Variants in FAT4 observed in about 807,000 individuals in gnomAD.
FAT4 encodes the protein FAT atypical cadherin 4.
Under a neutral mutation model 303.9 loss-of-function variants are expected in FAT4, and 84 were observed. The observed-to-expected ratio is 0.28, with a 90% CI of 0.23 to 0.33. FAT4 has a LOEUF of 0.33. FAT4 is among the 10% of genes least tolerant of loss of function. The pLI is 1.00. For synonymous variants in FAT4, 2,307 were observed against 2,298.8 expected (o/e 1.00, Z -0.10); for missense variants, 6,005 against 6,146.8 (o/e 0.98, Z 0.77).
At position 125,398,823 on chromosome 4, in the gene FAT4, G is replaced by A. The variant is rs1285785121; in HGVS notation, c.5215G>A (p.Val1739Ile). Residue 1739 changes from valine to isoleucine, a missense_variant, in exon 3 of 18, where the codon GTA becomes ATA. Transcript: ENST00000394329. ...TLQDINDNPP[V>I]FPTDMLDLTV... ...TCAGGATATCAATGACAATCCACCAGTATTTCCAACGGACATGCTGGATCT... is the reference window on the plus strand; with the variant it reads ...TCAGGATATCAATGACAATCCACCAATATTTCCAACGGACATGCTGGATCT... 6.2e-7 allele frequency: 1 copy of A among 1,613,268 alleles called. No individual in the cohort carries two copies. Among genetic ancestry groups the A allele is most frequent in the Non-Finnish European group, 8.5e-7 (1 of 1,179,404 alleles).
intron 2 of FAT4, among the ~76,000 whole-genome samples, chr4:125,374,228 A>G (rs1401113810): frequency 6.6e-6 from 1 of 152,140 alleles, no homozygotes; most frequent in Non-Finnish European, 1.5e-5. Context: ...TATTTCTCCT[A>G]CATCCCTCGT....
At chr4:125,385,114 C>T (rs568662644) in intron 2 of FAT4, among the ~76,000 whole-genome samples, 2 of 149,910 alleles carry the variant, frequency 1.3e-5, no homozygotes, top group Admixed American at 6.7e-5. Flanking sequence ...CTCTGCTTCC[C>T]GGGTTCAAGC....
chr4:125,457,047 A>G (rs1003023538), intron 10 of FAT4, among the ~76,000 whole-genome samples: 14 of 151,878 alleles, frequency 9.2e-5, no homozygotes, highest in Admixed American at 6.6e-5. Flanking sequence ...TGAAATTACA[A>G]ATTGGAGCTG....
At position 125,321,568 on chromosome 4, in the gene FAT4, C is replaced by G. The variant is rs200744971; in HGVS notation, c.5157C>G (p.Pro1719=). Residue 1719 remains proline, a synonymous_variant, in exon 2 of 18, where the codon CCC becomes CCG. Coordinates refer to ENST00000394329, the MANE Select transcript of FAT4 (RefSeq NM_001291303.3). ...CCATAGAAAAATCAACTGCTTTTCC[C>G]AGAACACAGAGAGCAGAGGTAATGA... ...VYAIEKSTAF[P]RTQRAEVEIT... 3 of 1,610,238 alleles carry G rather than the reference C, an allele frequency of 1.9e-6. No homozygotes were observed. The highest frequency in any genetic ancestry group is 2.5e-6 in the Non-Finnish European group (3 of 1,178,234).
intron 9 of FAT4, 54 bp downstream of exon 9, chr4:125,446,597 A>G: frequency 7.1e-7 from 1 of 1,403,616 alleles, no homozygotes; most frequent in Non-Finnish European, 9.5e-7. Flanking sequence ...TGTATCAGAC[A>G]TTTCTATAAA....
At chr4:125,399,061 A>G in intron 3 of FAT4, 146 bp downstream of exon 3, 2 of 710,680 alleles carry the variant, frequency 2.8e-6, no homozygotes, top group Non-Finnish European at 4.4e-6. Context: ...CTTGAAATGT[A>G]ACATAAAAAT....
Position 125,316,134 on chromosome 4 carries a change from G to T in FAT4, c.-13+157G>T, listed in dbSNP as rs1020172058. Among the ~76,000 whole-genome samples the T allele has an allele frequency of 2.0e-5, 3 of 152,300 alleles. No individual in the cohort carries two copies. Among genetic ancestry groups the T allele is most frequent in the Non-Finnish European group, 1.5e-5 (1 of 68,038 alleles). On this transcript the variant is annotated intron_variant, in intron 1 of 17. Transcript: ENST00000394329. The surrounding 1 kb of genome is among the most constrained non-coding windows in gnomAD (Gnocchi z 5.7). ...AAGGGGGCATATATAAGAGGCTTGA[G>T]AAACTTTTCTGGGAACTCAGCTCAC...
intron 11 of FAT4, among the ~76,000 whole-genome samples, chr4:125,468,171 A>G (rs1224384599): frequency 6.6e-6 from 1 of 152,122 alleles, no homozygotes; most frequent in Non-Finnish European, 1.5e-5. Context: ...AAAATAAAAA[A>G]AAAATCAATG....
chr4:125,439,748 C>T (rs1983118), intron 8 of FAT4, among the ~76,000 whole-genome samples: 150,473 of 152,292 alleles, frequency 0.99, 74,364 homozygotes, highest in East Asian at 1. Flanking sequence ...TCTCTCTCTT[C>T]CTTGAACCAT....
chr4:125,368,164 G>A (rs1346430942), intron 2 of FAT4, among the ~76,000 whole-genome samples: 1 of 152,074 alleles, frequency 6.6e-6, no homozygotes, highest in Non-Finnish European at 1.5e-5. Flanking sequence ...TTTCACTGTG[G>A]CAGAAGAACT....
At position 125,451,624 on chromosome 4, in the gene FAT4, T is replaced by A; in HGVS notation, c.10614T>A (p.Asp3538Glu). Residue 3538 changes from aspartate to glutamate, a missense_variant, in exon 10 of 18, where the codon GAT (aspartate) becomes GAA (glutamate). Coordinates refer to ENST00000394329, the MANE Select transcript of FAT4 (RefSeq NM_001291303.3). ...LVMTLQSTDP[D>E]LPPNQGPFTY... ...TGACCCTTCAGTCCACTGACCCTGA[T>A]CTCCCTCCAAATCAAGGTCCCTTTA... 6.2e-7 allele frequency: 1 copy of A among 1,614,082 alleles called. No homozygotes were observed. Among genetic ancestry groups the A allele is most frequent in the Non-Finnish European group, 8.5e-7 (1 of 1,179,996 alleles).
chr4:125,416,291 C>T lies in FAT4; in HGVS notation c.6844-157C>T, dbSNP rs538961607. Among the ~76,000 whole-genome samples, 7 of 152,140 alleles carry T rather than the reference C, an allele frequency of 4.6e-5. No individual in the cohort carries two copies. In the South Asian group the frequency reaches 1.4e-3, roughly 31 times the overall value. Reference sequence around the variant, plus strand: ...CACAAATAGACTCGGGTGATATATACTATAGTGTGCCATTTTTATTTTTTA... The same window carrying T: ...CACAAATAGACTCGGGTGATATATATTATAGTGTGCCATTTTTATTTTTTA... On this transcript the variant is annotated intron_variant, in intron 6 of 17. Transcript: ENST00000394329.
rs1395236 is a variant in FAT4, at chr4:125,487,833, G to C, written c.13084+227G>C. ...TCAGAAAGTTTGTAATAAACTATTA[G>C]CCACCACTTTCTCGAGAGCTTGCAT... is the stretch of plus-strand genomic sequence containing the variant. On this transcript the variant is annotated intron_variant, in intron 17 of 17. Coordinates refer to ENST00000394329, the MANE Select transcript of FAT4 (RefSeq NM_001291303.3). Among the ~76,000 whole-genome samples the C allele has an allele frequency of 0.22, 33,148 of 151,814 alleles. 4,343 individuals are homozygous for C. The highest frequency in any genetic ancestry group is 0.37 in the East Asian group (1,883 of 5,128).
chr4:125,408,193 A>G (rs941147088), intron 4 of FAT4, among the ~76,000 whole-genome samples: 7 of 152,192 alleles, frequency 4.6e-5, no homozygotes, highest in South Asian at 2.1e-4. Flanking sequence ...CATCAGATAT[A>G]TTATTAATTC....
At chr4:125,345,756 C>G (rs997723259) in intron 2 of FAT4, among the ~76,000 whole-genome samples, 1 of 151,856 alleles carries the variant, frequency 6.6e-6, no homozygotes, top group Non-Finnish European at 1.5e-5. Context: ...TACAGATTTA[C>G]CCTTAAAATG....
chr4:125,321,266 A>G lies in FAT4; in HGVS notation c.4855A>G (p.Ile1619Val). 1 of 1,614,148 alleles carries G rather than the reference A, an allele frequency of 6.2e-7. No individual in the cohort carries two copies. Among genetic ancestry groups the G allele is most frequent in the Non-Finnish European group, 8.5e-7 (1 of 1,179,986 alleles). The change falls in exon 2 of 18, where the codon ATC becomes GTC. Residue 1619 changes from isoleucine (I) to valine (V), a missense_variant. Coordinates refer to ENST00000394329, the MANE Select transcript of FAT4 (RefSeq NM_001291303.3). ...GAGGAAATCGACCACTGAATTGACC[A>G]TCATTCTTCAGGGCCTTGATGGACC... is the stretch of plus-strand genomic sequence containing the variant. ...ERRKSTTELTIILQGLDGPVF... is the reference protein window; with the variant it reads ...ERRKSTTELTVILQGLDGPVF...
rs143204873 is a variant in FAT4, at chr4:125,416,509, G to C, written c.6905G>C (p.Gly2302Ala). The change falls in exon 7 of 18, where the codon GGT becomes GCT. Residue 2302 changes from glycine to alanine, a missense_variant. Gly to Ala is a moderately conservative substitution (Grantham distance 60). Transcript: ENST00000394329. Reference sequence around the variant, plus strand: ...AAACTCTCATATGTTCTGTTTGGTGGTAATGAAGACAATGCTTTTACTCTC... The same window carrying C: ...AAACTCTCATATGTTCTGTTTGGTGCTAATGAAGACAATGCTTTTACTCTC... ...NSKLSYVLFG[G>A]NEDNAFTLSA... 2.3e-5 allele frequency: 37 copies of C among 1,613,966 alleles called. No individual in the cohort carries two copies. The highest frequency in any genetic ancestry group is 6.7e-5 in the Admixed American group (4 of 60,002).
intron 10 of FAT4, among the ~76,000 whole-genome samples, chr4:125,461,054 T>G (rs2126069244): frequency 6.6e-6 from 1 of 152,202 alleles, no homozygotes; most frequent in Non-Finnish European, 1.5e-5. Context: ...AGTATTTTAT[T>G]GGTTTGTAAC....
chr4:125,377,598 G>A (rs1247353765), intron 2 of FAT4, among the ~76,000 whole-genome samples: 1 of 152,002 alleles, frequency 6.6e-6, no homozygotes, highest in Non-Finnish European at 1.5e-5. Context: ...TGTTACATTT[G>A]TTCTGAAGAA....
Sources: gnomAD v4.1 joint callset for allele counts (sites outside exome capture counted in the v4.1 genomes callset) on GRCh38, gnomAD v4.1.1 for gene constraint, Gnocchi (gnomAD v3.1) non-coding constraint, MANE v1.5 for transcripts, NCBI Gene and HGNC (gene_info 2026-07-23, HGNC 2026-07-21) for gene names.